Variants in LCP1 observed in about 807,000 individuals in gnomAD.
LCP1 encodes the protein lymphocyte cytosolic protein 1, also known as plastin-2.
LCP1 carries 23 observed loss-of-function variants against 72.0 expected under a neutral mutation model. The observed-to-expected ratio is 0.32, with a 90% CI of 0.23 to 0.45. The LOEUF is 0.45. Ranked by LOEUF, LCP1 falls within the 20% of genes least tolerant of loss-of-function variation. The pLI, the probability that LCP1 is intolerant of heterozygous loss-of-function variation, is 1.00. For synonymous variants in LCP1, 245 were observed against 275.4 expected (o/e 0.89, Z 1.09); for missense variants, 571 against 748.3 (o/e 0.76, Z 2.76).
intron 1 of LCP1, 40 bp from the exon 2 acceptor site, chr13:46,159,726 T>C (rs2045826275): frequency 1.6e-6 from 2 of 1,249,568 alleles, no homozygotes; most frequent in South Asian, 1.2e-5. Flanking sequence ...TTTTGTGCAT[T>C]TGAATTCTTA....
intron 12 of LCP1, chr13:46,142,816 G>C (rs1182959711): frequency 2.2e-6 from 1 of 462,886 alleles, no homozygotes; most frequent in South Asian, 1.6e-5. Flanking sequence ...ATGGACATGT[G>C]AACAGATATT....
chr13:46,130,794 GT>G lies in LCP1; in HGVS notation c.1751+19del. The G allele has an allele frequency of 2.5e-6, 4 of 1,612,328 alleles. No individual in the cohort carries two copies. Among genetic ancestry groups the G allele is most frequent in the Non-Finnish European group, 2.5e-6 (3 of 1,179,220 alleles). On this transcript the variant is annotated intron_variant, in intron 15 of 15. Transcript: ENST00000323076. ...TTGGGTCCTTCCCTCCCAATCTGAG[GT>G]TTATTTTTATTTACGTACTTTGCAT...
At chr13:46,153,743 A>C (rs1451571152) in intron 6 of LCP1, among the ~76,000 whole-genome samples, 1 of 151,834 alleles carries the variant, frequency 6.6e-6, no homozygotes, top group African/African-American at 2.4e-5. Flanking sequence ...AATAGATACG[A>C]TTAAAATTCC....
chr13:46,155,026 G>A, intron 5 of LCP1, 140 bp from the exon 6 acceptor site: 1 of 673,504 alleles, frequency 1.5e-6, no homozygotes, highest in Non-Finnish European at 2.6e-6. Context: ...AATCAGTTAT[G>A]CCGTTTGACT....
intron 1 of LCP1, among the ~76,000 whole-genome samples, chr13:46,174,809 G>C (rs2045920236): frequency 1.5e-5 from 2 of 134,792 alleles, no homozygotes; most frequent in Non-Finnish European, 1.5e-5. Flanking sequence ...TTGTGCCTGG[G>C]CAACAAGAGC....
chr13:46,170,176 T>TA (rs1382744992), intron 1 of LCP1, among the ~76,000 whole-genome samples: 3 of 152,238 alleles, frequency 2.0e-5, no homozygotes, highest in Non-Finnish European at 4.4e-5. Context: ...TGTACATACT[T>TA]AGACAATCCC....
intron 10 of LCP1, among the ~76,000 whole-genome samples, chr13:46,146,608 C>A (rs760289640): frequency 6.6e-6 from 1 of 152,160 alleles, no homozygotes; most frequent in Non-Finnish European, 1.5e-5. Context: ...CGTAAATTAT[C>A]TTTTTGAAAC....
chr13:46,130,957 A>G lies in LCP1; in HGVS notation c.1627-19T>C. 1 of 1,566,880 alleles carries G rather than the reference A, an allele frequency of 6.4e-7. No individual in the cohort carries two copies. ...TCGGGTCCTATGCAGAGACACAGGG[A>G]GGGTTTCATCAACGTGTCCCAAAGT... is the stretch of plus-strand genomic sequence containing the variant. On this transcript the variant is annotated intron_variant, in intron 14 of 15. Transcript: ENST00000323076.
At chr13:46,159,794 C>T (rs1593958002) in intron 1 of LCP1, 108 bp from the exon 2 acceptor site, 2 of 675,266 alleles carry the variant, frequency 3.0e-6, no homozygotes, top group East Asian at 2.6e-5. Context: ...TCTTCTGCAT[C>T]CCCCATGATT....
chr13:46,130,687 G>A (rs1375662007), intron 15 of LCP1, 127 bp downstream of exon 15: 3 of 1,143,604 alleles, frequency 2.6e-6, no homozygotes, highest in Non-Finnish European at 3.7e-6. Flanking sequence ...AGAAAGTCAT[G>A]AGAAGGAAAA....
intron 13 of LCP1, 108 bp from the exon 14 acceptor site, chr13:46,134,358 G>A: frequency 1.1e-6 from 1 of 886,554 alleles, no homozygotes; most frequent in Admixed American, 2.4e-5. Flanking sequence ...ATAGAAGACA[G>A]TCTGGACACC....
intron 15 of LCP1, among the ~76,000 whole-genome samples, chr13:46,129,826 G>C (rs772546692): frequency 2.0e-5 from 3 of 152,200 alleles, no homozygotes; most frequent in Admixed American, 2.0e-4. Context: ...GTTGGAAAGA[G>C]GGTTGCTGCA....
chr13:46,162,461 G>A (rs1295174674), intron 1 of LCP1, among the ~76,000 whole-genome samples: 1 of 151,970 alleles, frequency 6.6e-6, no homozygotes, highest in Non-Finnish European at 1.5e-5. Flanking sequence ...CTCCAGGCCT[G>A]ACTCGTTTTC....
chr13:46,152,408 T>C (rs181198870), intron 7 of LCP1, among the ~76,000 whole-genome samples: 371 of 152,318 alleles, frequency 2.4e-3, no homozygotes, highest in African/African-American at 8.3e-3. Context: ...ATCTGGTACC[T>C]TCACTATAGT....
At chr13:46,169,462 A>G (rs908521156) in intron 1 of LCP1, 1 of 152,158 alleles carries the variant, frequency 6.6e-6, no homozygotes, top group African/African-American at 2.4e-5. Flanking sequence ...CCTTAAAGAG[A>G]CAGATCTCAC....
intron 10 of LCP1, among the ~76,000 whole-genome samples, chr13:46,145,513 T>C (rs924866482): frequency 1.3e-5 from 2 of 151,942 alleles, no homozygotes. Context: ...GCTGATTTAG[T>C]GGATGTAGGG....
chr13:46,163,128 T>G (rs374272471), intron 1 of LCP1, among the ~76,000 whole-genome samples: 3,502 of 152,264 alleles, frequency 0.023, 63 homozygotes, highest in Middle Eastern at 0.048. Flanking sequence ...CCACCCCGTC[T>G]GGGAGGTGTA....
intron 1 of LCP1, among the ~76,000 whole-genome samples, chr13:46,173,613 G>A (rs749220923): frequency 2.0e-5 from 3 of 152,268 alleles, no homozygotes; most frequent in Admixed American, 6.5e-5. Flanking sequence ...TGTGTTTTGT[G>A]TGGGTGTAAA....
intron 6 of LCP1, 95 bp from the exon 7 acceptor site, chr13:46,153,040 G>A: frequency 2.4e-6 from 3 of 1,232,122 alleles, no homozygotes; most frequent in East Asian, 2.5e-5. Flanking sequence ...CTTCTGCGAA[G>A]GTCACAGGTT....
Sources: allele counts gnomAD v4.1 joint callset (sites outside exome capture counted in the v4.1 genomes callset), GRCh38; gene constraint gnomAD v4.1.1; transcripts MANE v1.5; gene names NCBI Gene and HGNC (gene_info 2026-07-23, HGNC 2026-07-21).